Variants in LRRC74B observed in about 807,000 individuals in gnomAD.
LRRC74B encodes leucine rich repeat containing 74B, also known as leucine-rich repeat-containing protein 74B.
A neutral mutation model predicts 16.6 loss-of-function variants in LRRC74B; 30 were observed. That is an observed-to-expected ratio of 1.80 (90% CI 1.35 to 2.45). LRRC74B has a LOEUF of 2.45. LRRC74B is among the 30% of genes most tolerant of loss of function. The probability of loss-of-function intolerance (pLI) is 0.00; values close to 1 mark genes in which losing one functional copy is unlikely to be tolerated. For synonymous variants in LRRC74B, 134 were observed against 86.0 expected (o/e 1.56, Z -3.09); for missense variants, 326 against 202.4 (o/e 1.61, Z -3.71).
intron 5 of LRRC74B, among the ~76,000 whole-genome samples, chr22:21,052,641 G>A (rs200681538): frequency 0.14 from 21,147 of 152,102 alleles, 1,540 homozygotes; most frequent in East Asian, 0.26. Context: ...TGTGCAGTCT[G>A]GTGACACATG....
intron 8 of LRRC74B, among the ~76,000 whole-genome samples, chr22:21,058,291 C>T (rs1435271258): frequency 2.0e-5 from 3 of 151,972 alleles, no homozygotes; most frequent in Non-Finnish European, 4.4e-5. Flanking sequence ...GGGAGGATCC[C>T]TTGAAGCCTA....
At chr22:21,050,635 G>T (rs1368266194) in intron 4 of LRRC74B, among the ~76,000 whole-genome samples, 1 of 151,770 alleles carries the variant, frequency 6.6e-6, no homozygotes, top group African/African-American at 2.4e-5. Flanking sequence ...AAAATTAGCC[G>T]AGTGTGGTGG....
At chr22:21,062,335 A>G (rs1432947025), downstream of LRRC74B, 1 of 152,250 alleles carries the variant, frequency 6.6e-6, no homozygotes, top group Non-Finnish European at 1.5e-5. Context: ...TACATTTTAA[A>G]TGGGTGATTT....
At chr22:21,058,390 C>G (rs1287432874) in intron 8 of LRRC74B, among the ~76,000 whole-genome samples, 1 of 151,952 alleles carries the variant, frequency 6.6e-6, no homozygotes, top group South Asian at 2.1e-4. Flanking sequence ...GGCACATACC[C>G]GTAGTTTCGG....
Position 21,052,231 on chromosome 22 carries a change from CTCTT to C in LRRC74B, c.623-17_623-14del, listed in dbSNP as rs1175711956. The C allele has an allele frequency of 2.8e-6, 2 of 717,490 alleles. No individual in the cohort carries two copies. The highest frequency in any genetic ancestry group is 5.2e-6 in the Non-Finnish European group (2 of 385,078). The allele number at this position is 717,490 out of a possible 1,614,324, so 44.4% of individuals were successfully genotyped here. A position where few individuals can be genotyped will look rare whatever the true frequency, so the allele number is the denominator to read the frequency against. The stretch of plus-strand genomic sequence containing the variant: ...GTGAAGAGAGTGAGTCAGAAGGTCT[CTCTT>C]GGTGTTTCTGAAGGGGAGACACTTG... On this transcript the variant is annotated splice_polypyrimidine_tract_variant and intron_variant, in intron 4 of 8. Coordinates refer to ENST00000442047, the Ensembl canonical transcript of LRRC74B.
chr22:21,048,973 G>A (rs1329404601), exon 4 of LRRC74B: 1 of 716,300 alleles, frequency 1.4e-6, no homozygotes, highest in Admixed American at 2.0e-5. Flanking sequence ...CGGAGAACCA[G>A]CTGGGAGTGG....
exon 1 of LRRC74B, chr22:21,046,048 C>A (rs1569191995): frequency 1.4e-6 from 1 of 717,472 alleles, no homozygotes; most frequent in Non-Finnish European, 2.6e-6. Flanking sequence ...GCTATGGTGG[C>A]CTGTGGGCGT....
intron 3 of LRRC74B, chr22:21,048,591 A>C: frequency 3.1e-6 from 1 of 326,400 alleles, no homozygotes; most frequent in Non-Finnish European, 5.8e-6. Context: ...ATGCATGGCC[A>C]CTTGGGCTAT....
intron 4 of LRRC74B, chr22:21,049,425 C>G: frequency 2.1e-6 from 1 of 481,400 alleles, no homozygotes; most frequent in Non-Finnish European, 3.7e-6. Flanking sequence ...AGTTCCTGAC[C>G]TCAAGGGACA....
chr22:21,058,353 G>A, intron 8 of LRRC74B, among the ~76,000 whole-genome samples: 1 of 151,998 alleles, frequency 6.6e-6, no homozygotes. Flanking sequence ...TCTACAAAAA[G>A]CTTTTTAAAA....
chr22:21,046,239 C>A, intron 1 of LRRC74B, 114 bp downstream of exon 1: 2 of 624,698 alleles, frequency 3.2e-6, no homozygotes, highest in Non-Finnish European at 2.9e-6. Flanking sequence ...GCCTGCGGGG[C>A]GCCTCCAGCC....
chr22:21,050,962 C>A, intron 4 of LRRC74B, among the ~76,000 whole-genome samples: 1 of 88,652 alleles, frequency 1.1e-5, no homozygotes, highest in Non-Finnish European at 2.1e-5. Flanking sequence ...CCCCGGGCAA[C>A]AGAGCGAGAC....
At chr22:21,053,512 G>A (rs553923824) in intron 6 of LRRC74B, 37 bp downstream of exon 6, 1 of 709,402 alleles carries the variant, frequency 1.4e-6, no homozygotes, top group South Asian at 1.5e-5. Flanking sequence ...GGAATCATGG[G>A]CTCCATGATC....
chr22:21,048,043 G>A (rs1327691429), intron 3 of LRRC74B, 27 bp downstream of exon 3: 2 of 716,714 alleles, frequency 2.8e-6, no homozygotes, highest in Non-Finnish European at 5.2e-6. Context: ...GGGCAGGTGG[G>A]CAGGCGTGTC....
chr22:21,060,788 T>C (rs1216765494), downstream of LRRC74B, among the ~76,000 whole-genome samples: 3 of 152,312 alleles, frequency 2.0e-5, no homozygotes, highest in African/African-American at 7.2e-5. Context: ...CTGGGCATGG[T>C]ATCCAAGATG....
At chr22:21,057,023 G>T in intron 7 of LRRC74B, 82 bp from the exon 8 acceptor site, 2 of 687,876 alleles carry the variant, frequency 2.9e-6, no homozygotes, top group East Asian at 2.7e-5. Flanking sequence ...CCTCAGAGAT[G>T]AGGAGCCCCT....
chr22:21,052,147 A>G, intron 4 of LRRC74B, 102 bp from the exon 5 acceptor site: 1 of 686,748 alleles, frequency 1.5e-6, no homozygotes, highest in South Asian at 1.6e-5. Context: ...CATGTCTGTG[A>G]CCCTCCTGCC....
chr22:21,049,889 T>A (rs1212142063), intron 4 of LRRC74B, among the ~76,000 whole-genome samples: 2 of 152,170 alleles, frequency 1.3e-5, no homozygotes, highest in Admixed American at 1.3e-4. Flanking sequence ...CACTTCTACC[T>A]GCCTCTCCTC....
chr22:21,054,963 G>C (rs138877642), intron 6 of LRRC74B, 135 bp from the exon 7 acceptor site: 108 of 640,760 alleles, frequency 1.7e-4, no homozygotes, highest in African/African-American at 1.5e-3. Context: ...CAGGGTTCCT[G>C]GGGTGTGAGT....
Sources: gnomAD v4.1 joint callset for allele counts (sites outside exome capture counted in the v4.1 genomes callset) on GRCh38, gnomAD v4.1.1 for gene constraint, MANE v1.5 for transcripts, NCBI Gene and HGNC (gene_info 2026-07-23, HGNC 2026-07-21) for gene names.